FRMPD4: variants seen among roughly 807,000 people sequenced by gnomAD.
FRMPD4 encodes FERM and PDZ domain containing 4, also known as FERM and PDZ domain-containing protein 4.
FRMPD4 carries 22 observed loss-of-function variants against 94.1 expected under a neutral mutation model. The ratio of observed to expected loss-of-function variants is 0.23; its 90% confidence interval spans 0.17 to 0.33. FRMPD4 has a LOEUF of 0.33. FRMPD4 is among the 10% of genes least tolerant of loss of function. The pLI is 1.00. For missense variants in FRMPD4, 1,111 were observed against 1,339.9 expected, an observed-to-expected ratio of 0.83 and a Z score of 2.67; for synonymous variants, 631 against 548.6, an observed-to-expected ratio of 1.15 and a Z score of -2.10.
chrX:11,988,189 A>G (rs908809959), intron 3 of FRMPD4, among the ~76,000 whole-genome samples: 1 of 112,013 alleles, frequency 8.9e-6, no homozygotes. Context: ...TTCAAATTAT[A>G]CTACCAAGCT....
At chrX:11,843,497 A>T (rs940996719) in intron 1 of FRMPD4, among the ~76,000 whole-genome samples, 2 of 111,678 alleles carry the variant, frequency 1.8e-5, no homozygotes, top group Admixed American at 1.9e-4. Context: ...AATAAGAAAA[A>T]ATATTTATAG....
At chrX:11,999,250 C>T (rs964860113) in intron 3 of FRMPD4, among the ~76,000 whole-genome samples, 19 of 111,428 alleles carry the variant, frequency 1.7e-4, no homozygotes, top group African/African-American at 4.9e-4. Context: ...AGGGCTGGCA[C>T]CCCTGAGAGT....
chrX:12,620,230 C>T (rs947105288), intron 4 of FRMPD4, among the ~76,000 whole-genome samples: 2 of 112,799 alleles, frequency 1.8e-5, no homozygotes, highest in East Asian at 5.5e-4. Context: ...GCCTGCTAGC[C>T]TTGGTCCAAC....
chrX:11,842,023 G>C (rs1239482150), intron 1 of FRMPD4, among the ~76,000 whole-genome samples: 1 of 110,473 alleles, frequency 9.1e-6, no homozygotes, highest in Non-Finnish European at 1.9e-5. Context: ...CCCATTGCTT[G>C]TTTTTCTCAG....
At chrX:12,252,431 A>G (rs181425371) in intron 1 of FRMPD4, among the ~76,000 whole-genome samples, 3 of 112,383 alleles carry the variant, frequency 2.7e-5, no homozygotes, top group African/African-American at 9.7e-5. Flanking sequence ...AGGAGAACAC[A>G]GAGTATGTCC....
intron 1 of FRMPD4, among the ~76,000 whole-genome samples, chrX:12,351,167 C>T (rs1601847728): frequency 1.5e-5 from 1 of 65,907 alleles, no homozygotes; most frequent in Non-Finnish European, 2.7e-5. Context: ...TGAGACTCCA[C>T]CTCACAAAAA....
At chrX:12,585,162 C>T (rs1169738780) in intron 2 of FRMPD4, among the ~76,000 whole-genome samples, 3 of 109,740 alleles carry the variant, frequency 2.7e-5, no homozygotes, top group South Asian at 4.0e-4. Flanking sequence ...AAGTGATCTG[C>T]GCACTTCGGC....
Position 11,915,975 on chromosome X carries a change from T to A in FRMPD4, c.95+37957T>A, listed in dbSNP as rs778610292. Among the ~76,000 whole-genome samples, 156 of 112,377 alleles carry A rather than the reference T, an allele frequency of 1.4e-3. 1 individual carries two copies. The highest frequency in any genetic ancestry group is 4.9e-3 in the African/African-American group (152 of 30,957). On this transcript the variant is annotated intron_variant, in intron 3 of 18. Coordinates refer to the FRMPD4 transcript ENST00000640291. ...AGTAGATATTGGGGTTGCTCCTCAGTAGACATTTCACAGAACATTTTGAAC... is the reference window on the plus strand; with the variant it reads ...AGTAGATATTGGGGTTGCTCCTCAGAAGACATTTCACAGAACATTTTGAAC...
At chrX:11,944,733 G>T (rs956685205) in intron 3 of FRMPD4, among the ~76,000 whole-genome samples, 1 of 110,433 alleles carries the variant, frequency 9.1e-6, no homozygotes, top group Non-Finnish European at 1.9e-5. Context: ...GAGCAATGGT[G>T]GCAAATAGGA....
chrX:12,167,763 A>G (rs12011413), intron 1 of FRMPD4, among the ~76,000 whole-genome samples: 13,023 of 111,600 alleles, frequency 0.12, 770 homozygotes, highest in African/African-American at 0.22. Context: ...AGCTATTGGG[A>G]TCATGTGCCA....
chrX:12,389,092 A>G (rs2148034606), intron 1 of FRMPD4, among the ~76,000 whole-genome samples: 1 of 109,017 alleles, frequency 9.2e-6, no homozygotes. Flanking sequence ...AAGGGTACAA[A>G]TCTCAGACAC....
intron 1 of FRMPD4, among the ~76,000 whole-genome samples, chrX:12,163,197 C>T (rs2056053698): frequency 9.0e-6 from 1 of 110,572 alleles, no homozygotes; most frequent in African/African-American, 3.3e-5. Context: ...ACGTGGGTAG[C>T]CTGCAACAGA....
intron 9 of FRMPD4, among the ~76,000 whole-genome samples, chrX:12,701,067 CTTTTT>C (rs34465193): frequency 0.019 from 1,082 of 56,490 alleles, 7 homozygotes; most frequent in African/African-American, 0.075. Flanking sequence ...GTTTTGGCTT[CTTTTT>C]TTTTTTTTTT....
intron 3 of FRMPD4, among the ~76,000 whole-genome samples, chrX:11,933,455 ATTG>A (rs1267649376): frequency 8.9e-6 from 1 of 112,267 alleles, no homozygotes; most frequent in Non-Finnish European, 1.9e-5. Context: ...CTTCATTTGG[ATTG>A]TTTAAAGTTT....
chrX:12,383,035 C>T (rs1362476559), intron 1 of FRMPD4, among the ~76,000 whole-genome samples: 1 of 111,513 alleles, frequency 9.0e-6, no homozygotes, highest in Non-Finnish European at 1.9e-5. Flanking sequence ...CTGTGCTCTA[C>T]CCCCTGCCCC....
intron 1 of FRMPD4, among the ~76,000 whole-genome samples, chrX:12,464,658 A>G (rs1481599498): frequency 8.9e-6 from 1 of 112,175 alleles, no homozygotes; most frequent in Non-Finnish European, 1.9e-5. Context: ...ATGATGGTAT[A>G]TACATGACGG....
intron 1 of FRMPD4, among the ~76,000 whole-genome samples, chrX:12,318,231 A>C (rs926489704): frequency 8.9e-6 from 1 of 112,943 alleles, no homozygotes; most frequent in Admixed American, 9.3e-5. Context: ...TTTCTCATTC[A>C]TATGTGGGAG....
At chrX:12,428,871 G>A (rs1181265985) in intron 1 of FRMPD4, among the ~76,000 whole-genome samples, 1 of 110,684 alleles carries the variant, frequency 9.0e-6, no homozygotes, top group Non-Finnish European at 1.9e-5. Context: ...AATGTCATGT[G>A]GTCCTTGACT....
chrX:12,131,781 C>T (rs1332492466), intron 3 of FRMPD4, among the ~76,000 whole-genome samples: 1 of 111,916 alleles, frequency 8.9e-6, no homozygotes, highest in East Asian at 2.8e-4. Flanking sequence ...GAATTATTGT[C>T]ATCACTTAGC....
Sources: gnomAD v4.1 joint callset for allele counts (sites outside exome capture counted in the v4.1 genomes callset) on GRCh38, gnomAD v4.1.1 for gene constraint, MANE v1.5 for transcripts, NCBI Gene and HGNC (gene_info 2026-07-23, HGNC 2026-07-21) for gene names.